The following TTC28 variants were observed in gnomAD, a reference collection of about 807,000 sequenced individuals.
TTC28 encodes the protein tetratricopeptide repeat protein 28.
TTC28 carries 61 observed loss-of-function variants against 198.0 expected under a neutral mutation model. The ratio of observed to expected loss-of-function variants is 0.31; its 90% confidence interval spans 0.25 to 0.38. TTC28 has a LOEUF of 0.38. TTC28 is among the 10% of genes least tolerant of loss of function. The pLI is 1.00. For missense variants in TTC28, 2,678 were observed against 3,164.0 expected (o/e 0.85, Z 3.69); for synonymous variants, 1,171 against 1,297.8 (o/e 0.90, Z 2.10).
At chr22:28,569,805 T>G (rs892461866) in intron 2 of TTC28, among the ~76,000 whole-genome samples, 1 of 152,206 alleles carries the variant, frequency 6.6e-6, no homozygotes, top group Non-Finnish European at 1.5e-5. Context: ...GTTTGCAAAC[T>G]ATGCATCTAA....
At chr22:28,380,607 T>C (rs186475529) in intron 2 of TTC28, among the ~76,000 whole-genome samples, 49 of 152,288 alleles carry the variant, frequency 3.2e-4, no homozygotes, top group Admixed American at 2.9e-3. Flanking sequence ...TCTGGATCAA[T>C]TTCCATAAGA....
At chr22:28,188,632 G>T (rs1472896683) in intron 5 of TTC28, among the ~76,000 whole-genome samples, 1 of 152,178 alleles carries the variant, frequency 6.6e-6, no homozygotes, top group African/African-American at 2.4e-5. Context: ...ACTAAAAACA[G>T]GGCCGTGGGG....
chr22:28,343,272 G>A (rs939820814), intron 2 of TTC28, among the ~76,000 whole-genome samples: 2 of 152,178 alleles, frequency 1.3e-5, no homozygotes, highest in African/African-American at 4.8e-5. Flanking sequence ...GCTCATGCCT[G>A]TAATCCCAGC....
chr22:28,345,989 T>C (rs1347259440), intron 2 of TTC28, among the ~76,000 whole-genome samples: 1 of 152,132 alleles, frequency 6.6e-6, no homozygotes, highest in African/African-American at 2.4e-5. Context: ...AGAGTAGAAG[T>C]TGGTGGAGAT....
In TTC28 at chr22:28,048,470, T is replaced by C. The variant is rs181646232; in HGVS notation, c.3933-18104A>G. On this transcript the variant is annotated intron_variant, in intron 12 of 22. Coordinates refer to ENST00000397906, the MANE Select transcript of TTC28 (RefSeq NM_001145418.2). ...ATTAAGACGAAAGAATGAGCCAGGA[T>C]TGGAGCAAGTTAGGATGGCAGTGTA... Among the ~76,000 whole-genome samples, 28 of 152,130 alleles carry C rather than the reference T, an allele frequency of 1.8e-4. No individual in the cohort carries two copies. The East Asian group carries it at 4.8e-3, about 26-fold the overall frequency.
chr22:28,358,806 T>C (rs1001931062), intron 2 of TTC28, among the ~76,000 whole-genome samples: 6 of 152,180 alleles, frequency 3.9e-5, no homozygotes, highest in African/African-American at 1.2e-4. Context: ...AGTGGGTGAA[T>C]GAGGACCACT....
intron 12 of TTC28, among the ~76,000 whole-genome samples, chr22:28,089,456 T>C (rs1300410184): frequency 2.7e-5 from 4 of 150,582 alleles, no homozygotes; most frequent in South Asian, 2.1e-4. Context: ...TAGGTGGGAA[T>C]TGAACAATGA....
chr22:28,092,142 G>A (rs1941833745), intron 12 of TTC28, among the ~76,000 whole-genome samples: 1 of 152,214 alleles, frequency 6.6e-6, no homozygotes, highest in Non-Finnish European at 1.5e-5. Context: ...CTTGAAGATA[G>A]AGAATGTACA....
chr22:28,170,912 C>T (rs942275391), intron 5 of TTC28, among the ~76,000 whole-genome samples: 1 of 151,986 alleles, frequency 6.6e-6, no homozygotes, highest in African/African-American at 2.4e-5. Flanking sequence ...AGAAGCGCTT[C>T]TAACCCCAGC....
At chr22:28,290,031 A>C (rs1393971889) in intron 5 of TTC28, among the ~76,000 whole-genome samples, 1 of 151,890 alleles carries the variant, frequency 6.6e-6, no homozygotes, top group African/African-American at 2.4e-5. Context: ...CTCAAAAAAA[A>C]AATTTTTTTT....
At chr22:28,233,638 A>G (rs1045766905) in intron 5 of TTC28, among the ~76,000 whole-genome samples, 1 of 152,246 alleles carries the variant, frequency 6.6e-6, no homozygotes, top group African/African-American at 2.4e-5. Flanking sequence ...CATGTATTGT[A>G]TTTGTTACAA....
intron 5 of TTC28, among the ~76,000 whole-genome samples, chr22:28,192,248 CT>C (rs1924883681): frequency 6.6e-6 from 1 of 152,096 alleles, no homozygotes; most frequent in Admixed American, 6.5e-5. Context: ...AGAAGGAAAA[CT>C]AACAAACGGA....
Position 27,983,410 on chromosome 22 carries a change from T to A in TTC28, c.6257A>T (p.Gln2086Leu). The A allele has an allele frequency of 6.4e-7, 1 of 1,551,134 alleles. No homozygotes were observed. Among genetic ancestry groups the A allele is most frequent in the African/African-American group, 1.4e-5 (1 of 73,082 alleles). Residue 2086 changes from glutamine to leucine, a missense_variant, in exon 23 of 23, where the codon CAA (glutamine) becomes CTA (leucine). By Grantham distance (113) the Gln-to-Leu change is moderately radical. Transcript: ENST00000397906. ...TCTCATGCCTCCGGCTGTCCCAGGT[T>A]GGGGTTGTTTGTGGTCTGGTGAGAA... ...TCFSPDHKQP[Q>L]PGTAGGMRVS...
At chr22:28,348,187 CTT>C (rs2045938044) in intron 2 of TTC28, among the ~76,000 whole-genome samples, 1 of 152,218 alleles carries the variant, frequency 6.6e-6, no homozygotes, top group Admixed American at 6.5e-5. Flanking sequence ...CCATTACTCT[CTT>C]AGACACTAGG....
chr22:28,367,547 C>A (rs563685641), intron 2 of TTC28, among the ~76,000 whole-genome samples: 1 of 151,384 alleles, frequency 6.6e-6, no homozygotes, highest in Non-Finnish European at 1.5e-5. Flanking sequence ...GCAAACTGAA[C>A]CCAAAATTAA....
chr22:28,295,277 T>C (rs1368947168), intron 5 of TTC28, among the ~76,000 whole-genome samples: 5 of 152,186 alleles, frequency 3.3e-5, no homozygotes, highest in African/African-American at 1.2e-4. Context: ...GTAGAATTCT[T>C]AGATGTAAAC....
intron 2 of TTC28, among the ~76,000 whole-genome samples, chr22:28,347,532 T>C (rs1234806730): frequency 6.6e-6 from 1 of 152,170 alleles, no homozygotes; most frequent in Non-Finnish European, 1.5e-5. Context: ...CGTTTACACC[T>C]AACCCCTTTA....
intron 2 of TTC28, among the ~76,000 whole-genome samples, chr22:28,328,243 G>T (rs555609940): frequency 6.6e-6 from 1 of 151,812 alleles, no homozygotes; most frequent in Non-Finnish European, 1.5e-5. Flanking sequence ...ACCAGCTTGG[G>T]CAACATAGCA....
intron 5 of TTC28, among the ~76,000 whole-genome samples, chr22:28,170,622 G>C (rs572916224): frequency 1.3e-5 from 2 of 152,196 alleles, no homozygotes; most frequent in Non-Finnish European, 2.9e-5. Context: ...CTTCTTCCAC[G>C]GTAAATGGAT....
Sources: gnomAD v4.1 joint callset for allele counts (sites outside exome capture counted in the v4.1 genomes callset) on GRCh38, gnomAD v4.1.1 for gene constraint, MANE v1.5 for transcripts, NCBI Gene and HGNC (gene_info 2026-07-23, HGNC 2026-07-21) for gene names.